ESR2: variants seen among roughly 807,000 people sequenced by gnomAD.
ESR2 encodes the protein estrogen receptor 2.
A neutral mutation model predicts 49.6 loss-of-function variants in ESR2; 36 were observed. The observed-to-expected ratio is 0.73, with a 90% CI of 0.56 to 0.96. The LOEUF is 0.96. Among genes scored for constraint, ESR2 ranks in the 40% least tolerant of loss-of-function variants. The pLI is 0.00. For missense variants in ESR2, 714 were observed against 693.0 expected (o/e 1.03, Z -0.34); for synonymous variants, 320 against 266.1 (o/e 1.20, Z -1.97).
At chr14:64,227,378 A>AAAGG, downstream of ESR2, 1 of 759,550 alleles carries the variant, frequency 1.3e-6, no homozygotes. Flanking sequence ...TTGATAATAG[A>AAAGG]AAGGAAGGTG....
At chr14:64,260,827 G>A in intron 4 of ESR2, 79 bp from the exon 5 acceptor site, 1 of 1,293,718 alleles carries the variant, frequency 7.7e-7, no homozygotes, top group Non-Finnish European at 1.0e-6. Context: ...TTTATTTTCT[G>A]GAGCCTGTGG....
chr14:64,268,613 C>A (rs1178905978), intron 4 of ESR2, among the ~76,000 whole-genome samples, 182 bp downstream of exon 4: 1 of 152,216 alleles, frequency 6.6e-6, no homozygotes, highest in African/African-American at 2.4e-5. Flanking sequence ...TTCCCATTCA[C>A]CCCAGCTCTG....
Position 64,230,512 on chromosome 14 carries a change from C to T in ESR2, c.*2625G>A, listed in dbSNP as rs2098726166. Among the ~76,000 whole-genome samples, 2 of 152,118 alleles carry T rather than the reference C, an allele frequency of 1.3e-5. No homozygotes were observed. Among genetic ancestry groups the T allele is most frequent in the African/African-American group, 2.4e-5 (1 of 41,408 alleles). On this transcript the variant is annotated 3_prime_UTR_variant, in exon 9 of 9. Coordinates refer to ENST00000341099, the MANE Select transcript of ESR2 (RefSeq NM_001437.3). ...ATTCCAGACCAAGACTCGCACTGTA[C>T]AGCTCCTGCCGATTTTGCACTATTT...
At chr14:64,265,631 G>A (rs1217452184) in intron 4 of ESR2, among the ~76,000 whole-genome samples, 1 of 152,104 alleles carries the variant, frequency 6.6e-6, no homozygotes, top group African/African-American at 2.4e-5. Flanking sequence ...GGGGATATAG[G>A]CCAAATACAT....
intron 1 of ESR2, among the ~76,000 whole-genome samples, chr14:64,293,374 A>G (rs2076903792): frequency 6.6e-6 from 1 of 152,250 alleles, no homozygotes; most frequent in Admixed American, 6.5e-5. Context: ...TACCACACCA[A>G]AACACAATCC....
chr14:64,227,557 C>T, downstream of ESR2: 2 of 1,614,194 alleles, frequency 1.2e-6, no homozygotes, highest in South Asian at 1.1e-5. Context: ...TTGCTTCAGG[C>T]AAAAGAGTCT....
intron 3 of ESR2, among the ~76,000 whole-genome samples, chr14:64,269,785 T>C (rs1038113440): frequency 7.9e-5 from 12 of 152,240 alleles, no homozygotes; most frequent in Non-Finnish European, 1.3e-4. Flanking sequence ...GTTAGTTATA[T>C]AGCAATCTCT....
chr14:64,324,286 T>C (rs1055924121), intron 1 of ESR2, among the ~76,000 whole-genome samples: 1 of 152,180 alleles, frequency 6.6e-6, no homozygotes, highest in Non-Finnish European at 1.5e-5. Context: ...ATCTGTCAAA[T>C]ATGTACACAG....
At chr14:64,233,398 C>G in intron 8 of ESR2, 75 bp from the exon 9 acceptor site, 3 of 1,458,678 alleles carry the variant, frequency 2.1e-6, no homozygotes, top group South Asian at 2.5e-5. Context: ...CCCCGGCTCT[C>G]TTTGCTCAGA....
chr14:64,281,978 A>G (rs1299838952), intron 2 of ESR2, among the ~76,000 whole-genome samples: 1 of 152,240 alleles, frequency 6.6e-6, no homozygotes, highest in East Asian at 1.9e-4. Context: ...TGGTTTCACT[A>G]TAAGAAGACT....
intron 3 of ESR2, among the ~76,000 whole-genome samples, chr14:64,269,561 A>ATTG (rs1405770964): frequency 6.6e-6 from 1 of 152,186 alleles, no homozygotes; most frequent in African/African-American, 2.4e-5. Flanking sequence ...ATGATATATC[A>ATTG]ATAGATGTGC....
At chr14:64,326,658 T>TAC (rs1482299948) in intron 1 of ESR2, among the ~76,000 whole-genome samples, 1 of 152,184 alleles carries the variant, frequency 6.6e-6, no homozygotes, top group Non-Finnish European at 1.5e-5. Flanking sequence ...CTTTATACCC[T>TAC]ACTTCAACCA....
chr14:64,281,042 T>C (rs1295514893), intron 2 of ESR2, among the ~76,000 whole-genome samples: 1 of 151,054 alleles, frequency 6.6e-6, no homozygotes, highest in Non-Finnish European at 1.5e-5. Context: ...TTAAGAGGAA[T>C]AACAAATGGA....
intron 3 of ESR2, among the ~76,000 whole-genome samples, chr14:64,271,352 GTCTC>G (rs1207755886): frequency 2.0e-5 from 3 of 151,806 alleles, no homozygotes; most frequent in Admixed American, 2.0e-4. Flanking sequence ...TGGAGACGGA[GTCTC>G]TCTCTGTCAC....
intron 1 of ESR2, among the ~76,000 whole-genome samples, chr14:64,309,376 C>G (rs1412063419): frequency 6.6e-6 from 1 of 152,136 alleles, no homozygotes; most frequent in Non-Finnish European, 1.5e-5. Context: ...CTTTGGGAGG[C>G]CGAGGTGGGT....
At chr14:64,291,595 G>T (rs951693686) in intron 1 of ESR2, among the ~76,000 whole-genome samples, 2 of 152,144 alleles carry the variant, frequency 1.3e-5, no homozygotes, top group Non-Finnish European at 2.9e-5. Flanking sequence ...ACTGTATACT[G>T]AATTGAATAC....
chr14:64,313,285 C>A (rs2077205744), intron 1 of ESR2, among the ~76,000 whole-genome samples: 1 of 152,134 alleles, frequency 6.6e-6, no homozygotes, highest in South Asian at 2.1e-4. Context: ...ATAATCCCAG[C>A]ATTTTGGGAG....
intron 1 of ESR2, among the ~76,000 whole-genome samples, chr14:64,316,481 CCT>C (rs1466877768): frequency 2.6e-5 from 4 of 151,954 alleles, no homozygotes; most frequent in African/African-American, 7.3e-5. Context: ...CTAATATTAC[CCT>C]GATATAAAAA....
chr14:64,245,483 G>C (rs1306600279), intron 7 of ESR2, among the ~76,000 whole-genome samples: 2 of 119,662 alleles, frequency 1.7e-5, no homozygotes, highest in East Asian at 5.0e-4. Flanking sequence ...TTGCACTCCA[G>C]CCTGGGCGAC....
Sources: allele counts gnomAD v4.1 joint callset (sites outside exome capture counted in the v4.1 genomes callset), GRCh38; gene constraint gnomAD v4.1.1; transcripts MANE v1.5; gene names NCBI Gene and HGNC (gene_info 2026-07-23, HGNC 2026-07-21).